Variants in G3BP2 observed in about 807,000 individuals in gnomAD.
G3BP2 encodes the protein ras GTPase-activating protein-binding protein 2.
In G3BP2, 11 loss-of-function variants were observed where a neutral mutation model predicts 56.7. The ratio of observed to expected loss-of-function variants is 0.19; its 90% CI spans 0.12 to 0.32. G3BP2 has a LOEUF of 0.32. Ranked by LOEUF, G3BP2 falls within the 10% of genes least tolerant of loss-of-function variation. G3BP2 has a pLI of 1.00. For missense variants in G3BP2, 340 were observed against 610.9 expected (o/e 0.56, Z 4.67); for synonymous variants, 165 against 191.6 (o/e 0.86, Z 1.15).
At chr4:75,700,411 CAT>C (rs1230746008) in intron 3 of G3BP2, among the ~76,000 whole-genome samples, 1 of 20,270 alleles carries the variant, frequency 4.9e-5, no homozygotes, top group Non-Finnish European at 1.1e-4. Flanking sequence ...AAAACAGCGA[CAT>C]AATTTCTTTC....
At chr4:75,684,630 C>T (rs1443497996) in intron 3 of G3BP2, among the ~76,000 whole-genome samples, 1 of 152,108 alleles carries the variant, frequency 6.6e-6, no homozygotes, top group African/African-American at 2.4e-5. Context: ...ACTGCAGCCT[C>T]AAACTCCTCG....
In G3BP2 at chr4:75,700,833, C is replaced by T. The variant is rs114165323; in HGVS notation, c.-25+20044G>A. Among the ~76,000 whole-genome samples the T allele has an allele frequency of 1.8e-3, 274 of 151,880 alleles. 3 individuals are homozygous for T. Among genetic ancestry groups the T allele is most frequent in the African/African-American group, 6.3e-3 (262 of 41,432 alleles). ...AAGGGAGAAAAGGATTAAACAAAAT[C>T]AGACTAATAATTTTATTTTTTTGAG... On this transcript the variant is annotated intron_variant, in intron 3 of 3. Coordinates refer to the G3BP2 transcript ENST00000499709.
chr4:75,673,594 C>CA (rs1343661565), upstream of G3BP2: 1 of 1,231,832 alleles, frequency 8.1e-7, no homozygotes, highest in Non-Finnish European at 1.0e-6. Flanking sequence ...GCCCGGAAAG[C>CA]CGGGGAACCG....
rs1730949207 is a variant in G3BP2, at chr4:75,642,868, CAATT to C, written c.*2558_*2561del. Reference sequence around the variant, plus strand: ...CTCAAAGAATACTTTCCACCTGAAACAATTAAACTAGATTCTACTAGCATATAAT... The same window carrying C: ...CTCAAAGAATACTTTCCACCTGAAACAAACTAGATTCTACTAGCATATAAT... On this transcript the variant is annotated 3_prime_UTR_variant, in exon 12 of 12. Coordinates refer to ENST00000359707, the MANE Select transcript of G3BP2 (RefSeq NM_203505.3). 2 of 152,486 alleles carry C rather than the reference CAATT, an allele frequency of 1.3e-5. No individual in the cohort carries two copies. The highest frequency in any genetic ancestry group is 1.3e-4 in the Admixed American group (2 of 15,266). The allele number at this position is 152,486 out of a possible 1,614,324, so 9.4% of individuals were successfully genotyped here.
upstream of G3BP2, chr4:75,673,635 C>G: frequency 8.1e-7 from 1 of 1,230,458 alleles, no homozygotes; most frequent in Non-Finnish European, 1.0e-6. Flanking sequence ...TAAGAGTCCG[C>G]TGATTTGACG....
At position 75,644,501 on chromosome 4, in the gene G3BP2, A is replaced by C. The variant is rs764149911; in HGVS notation, c.*929T>G. ...TTCATACACTATACTGTACAAAATT[A>C]CCAGCAAGACTGGAATGATGTATTA... On this transcript the variant is annotated 3_prime_UTR_variant, in exon 12 of 12. Coordinates refer to ENST00000359707, the MANE Select transcript of G3BP2 (RefSeq NM_203505.3). The C allele has an allele frequency of 7.9e-5, 12 of 152,658 alleles. No homozygotes were observed. Among genetic ancestry groups the C allele is most frequent in the Admixed American group, 5.2e-4 (8 of 15,284 alleles). The allele number at this position is 152,658 out of a possible 1,614,324, so 9.5% of individuals were successfully genotyped here. A position where few individuals can be genotyped will look rare whatever the true frequency, so the allele number is the denominator to read the frequency against.
intron 2 of G3BP2, among the ~76,000 whole-genome samples, chr4:75,661,295 T>G (rs574683077): frequency 3.3e-5 from 5 of 152,114 alleles, no homozygotes; most frequent in African/African-American, 1.2e-4. Flanking sequence ...ACCCGGCTAA[T>G]TTTTGTATTT....
At chr4:75,678,296 TTGTGTGTG>T (rs57550763), upstream of G3BP2, among the ~76,000 whole-genome samples, 16,196 of 144,404 alleles carry the variant, frequency 0.11, 1,362 homozygotes, top group African/African-American at 0.24. Context: ...CGTGCCTAGC[TTGTGTGTG>T]TGTGTGTGTG....
At chr4:75,698,328 CAAGAA>C in intron 3 of G3BP2, among the ~76,000 whole-genome samples, 1 of 152,216 alleles carries the variant, frequency 6.6e-6, no homozygotes, top group East Asian at 1.9e-4. Context: ...AGCCATGAGC[CAAGAA>C]ATGCAGGTGG....
At chr4:75,697,145 G>A (rs1399362010) in intron 3 of G3BP2, among the ~76,000 whole-genome samples, 9 of 151,662 alleles carry the variant, frequency 5.9e-5, no homozygotes, top group East Asian at 1.9e-4. Context: ...TGGGTAGCGC[G>A]TGCCTGTAGT....
intron 1 of G3BP2, among the ~76,000 whole-genome samples, chr4:75,671,655 G>A (rs1364794649): frequency 6.6e-6 from 1 of 152,068 alleles, no homozygotes; most frequent in Non-Finnish European, 1.5e-5. Flanking sequence ...TTCATTCTAG[G>A]TCCTTATTAT....
intron 1 of G3BP2, among the ~76,000 whole-genome samples, chr4:75,665,656 AACACACACACAC>A (rs368331407): frequency 3.7e-4 from 27 of 73,142 alleles, no homozygotes; most frequent in African/African-American, 1.4e-3. Context: ...CACACAAACA[AACACACACACAC>A]ACACACACAC....
intron 3 of G3BP2, among the ~76,000 whole-genome samples, chr4:75,706,158 C>T (rs1719535639): frequency 6.6e-6 from 1 of 152,120 alleles, no homozygotes; most frequent in Non-Finnish European, 1.5e-5. Flanking sequence ...TAGGTGAGTG[C>T]TTTGGAAACT....
intron 3 of G3BP2, among the ~76,000 whole-genome samples, chr4:75,719,894 T>A (rs919038460): frequency 4.6e-5 from 7 of 152,044 alleles, no homozygotes; most frequent in Admixed American, 3.9e-4. Flanking sequence ...CGGCCTGGTC[T>A]CATTTCTTAT....
upstream of G3BP2, chr4:75,673,587 C>G (rs895967828): frequency 1.3e-5 from 16 of 1,231,762 alleles, no homozygotes; most frequent in South Asian, 1.6e-4. Flanking sequence ...CGCTCGCGCC[C>G]GGAAAGCCGG....
intron 3 of G3BP2, among the ~76,000 whole-genome samples, chr4:75,681,848 C>CAAA (rs149053660): frequency 8.5e-6 from 1 of 117,492 alleles, no homozygotes. Context: ...GACTCCATCT[C>CAAA]AAAAAAAAAA....
chr4:75,673,441 A>G (rs1328248683), upstream of G3BP2: 6 of 1,226,192 alleles, frequency 4.9e-6, no homozygotes, highest in Non-Finnish European at 6.1e-6. Context: ...GCCCCCTCTT[A>G]TTGTTTTACC....
Position 75,657,575 on chromosome 4 carries a change from G to C in G3BP2, c.333C>G (p.Thr111=), listed in dbSNP as rs776055723. ...SGQPERKFMQ[T]FVLAPEGSVP... ...AACTTACTTCAGGAGCCAGAACAAA[G>C]GTTTGCATAAACTTTCTTTCTGGTT... The change falls in exon 4 of 12, where the codon ACC becomes ACG. Residue 111 remains threonine, a synonymous_variant. Transcript: ENST00000359707. 5.6e-6 allele frequency: 9 copies of C among 1,609,102 alleles called. No homozygotes were observed. The South Asian group carries it at 8.9e-5, about 16-fold the overall frequency.
Position 75,667,686 on chromosome 4 carries a change from C to G in G3BP2, c.-25+5522G>C, listed in dbSNP as rs56728961. Among the ~76,000 whole-genome samples the G allele has an allele frequency of 4.6e-5, 7 of 152,060 alleles. No individual in the cohort carries two copies. The East Asian group carries it at 9.7e-4, about 21-fold the overall frequency. ...CAGGAGGATCACAAGGTCAGGAGAT[C>G]GAGACCATCCTGGCTAACACAGTGA... On this transcript the variant is annotated intron_variant, in intron 1 of 11. Coordinates refer to ENST00000359707, the MANE Select transcript of G3BP2 (RefSeq NM_203505.3).
Sources: gnomAD v4.1 joint callset for allele counts (sites outside exome capture counted in the v4.1 genomes callset) on GRCh38, gnomAD v4.1.1 for gene constraint, MANE v1.5 for transcripts, NCBI Gene and HGNC (gene_info 2026-07-23, HGNC 2026-07-21) for gene names.